CAMKK1: variants seen among roughly 807,000 people sequenced by gnomAD.
CAMKK1 encodes the protein calcium/calmodulin dependent protein kinase kinase 1, also known as calcium/calmodulin-dependent protein kinase kinase 1.
Under a neutral mutation model 63.5 loss-of-function variants are expected in CAMKK1, and 20 were observed. The observed-to-expected ratio is 0.32, with a 90% CI of 0.22 to 0.46. CAMKK1 has a LOEUF of 0.46. Ranked by LOEUF, CAMKK1 falls within the 20% of genes least tolerant of loss-of-function variation. CAMKK1 has a pLI of 1.00. For missense variants in CAMKK1, 588 were observed against 658.1 expected (o/e 0.89, Z 1.17); for synonymous variants, 253 against 269.0 (o/e 0.94, Z 0.58).
chr17:3,871,506 C>T (rs1401715347), intron 12 of CAMKK1, among the ~76,000 whole-genome samples: 3 of 150,640 alleles, frequency 2.0e-5, no homozygotes, highest in Admixed American at 6.6e-5. Flanking sequence ...AGGCACCCGC[C>T]ACCACGCCCG....
chr17:3,881,897 A>AG, intron 7 of CAMKK1: 2 of 547,164 alleles, frequency 3.7e-6, no homozygotes, highest in Non-Finnish European at 6.5e-6. Context: ...CCTTTTACAG[A>AG]GGGGGAAACT....
intron 9 of CAMKK1, among the ~76,000 whole-genome samples, chr17:3,877,403 G>A (rs185865872): frequency 6.6e-6 from 1 of 152,228 alleles, no homozygotes; most frequent in South Asian, 2.1e-4. Flanking sequence ...TGCTTTCTGG[G>A]CCCAGCACCA....
intron 14 of CAMKK1, among the ~76,000 whole-genome samples, chr17:3,867,599 G>C (rs2054582695): frequency 6.6e-6 from 1 of 152,160 alleles, no homozygotes; most frequent in Admixed American, 6.6e-5. Context: ...CTAAGATCAG[G>C]CAAGTGGTCA....
Position 3,887,835 on chromosome 17 carries a change from G to C in CAMKK1, c.-43-2105C>G, listed in dbSNP as rs542166968. ...AAGCTGGGAACACCCTCCAGGACCC[G>C]CCAGGCTCCTCCCAGCAGGTGGCCC... On this transcript the variant is annotated intron_variant, in intron 1 of 15. Coordinates refer to ENST00000348335, the MANE Select transcript of CAMKK1 (RefSeq NM_032294.3). The surrounding 1 kb of genome is among the most constrained non-coding windows in gnomAD (Gnocchi z 6.1). Among the ~76,000 whole-genome samples the C allele has an allele frequency of 6.6e-6, 1 of 152,118 alleles. No individual in the cohort carries two copies. The highest frequency in any genetic ancestry group is 2.4e-5 in the African/African-American group (1 of 41,414).
At chr17:3,871,345 TTG>T (rs1301616185) in intron 12 of CAMKK1, among the ~76,000 whole-genome samples, 106 of 46,008 alleles carry the variant, frequency 2.3e-3, no homozygotes, top group African/African-American at 0.012. Context: ...TTTTTTTTTT[TTG>T]TTTTTTTTTT....
intron 10 of CAMKK1, among the ~76,000 whole-genome samples, chr17:3,875,455 TA>T (rs1268950498): frequency 6.6e-6 from 1 of 151,802 alleles, no homozygotes; most frequent in African/African-American, 2.4e-5. Context: ...CTAATGTTTT[TA>T]TTTTTTTTTT....
intron 14 of CAMKK1, 78 bp from the exon 15 acceptor site, chr17:3,866,089 G>A: frequency 6.5e-7 from 1 of 1,546,102 alleles, no homozygotes; most frequent in Non-Finnish European, 8.8e-7. Context: ...TTCCCCGAGA[G>A]CAGCTGCCAA....
chr17:3,869,741 A>G, intron 13 of CAMKK1, 60 bp downstream of exon 13: 2 of 1,603,844 alleles, frequency 1.2e-6, no homozygotes, highest in Non-Finnish European at 1.7e-6. Flanking sequence ...CCCTCCAGAA[A>G]GGGAAAGTGA....
intron 15 of CAMKK1, chr17:3,865,483 G>A (rs1025134873): frequency 3.0e-6 from 3 of 1,014,456 alleles, no homozygotes; most frequent in Admixed American, 5.1e-5. Flanking sequence ...CTCCTCTACA[G>A]CCCGCCAGCC....
At position 3,887,504 on chromosome 17, in the gene CAMKK1, A is replaced by T. The variant is rs1041722603; in HGVS notation, c.-43-1774T>A. Among the ~76,000 whole-genome samples, 1 of 146,110 alleles carries T rather than the reference A, an allele frequency of 6.8e-6. No homozygotes were observed. The highest frequency in any genetic ancestry group is 6.7e-5 in the Admixed American group (1 of 14,876). ...GTGAAGGAGGTGAGGAGGCTGAGTG[A>T]GGCTAGAGTATCAGGGAGGCCTCCC... On this transcript the variant is annotated intron_variant, in intron 1 of 15. Coordinates refer to ENST00000348335, the MANE Select transcript of CAMKK1 (RefSeq NM_032294.3). This position sits in a 1 kb window ranked among gnomAD's most constrained non-coding sequence, Gnocchi z 6.1.
At chr17:3,863,562 G>T (rs888840834) in intron 15 of CAMKK1, among the ~76,000 whole-genome samples, 13 of 152,174 alleles carry the variant, frequency 8.5e-5, no homozygotes, top group Non-Finnish European at 1.9e-4. Context: ...TGATGATGAA[G>T]TAAAATCTTC....
rs764247725 is a variant in CAMKK1, at chr17:3,883,525, G to A, written c.463-45C>T. ...AATGTCACTACTGTGCAGCCACCAG[G>A]GGCTAGAACAGGCTGGTACATGTGG... is the stretch of plus-strand genomic sequence containing the variant. On this transcript the variant is annotated intron_variant, in intron 4 of 15. Transcript: ENST00000348335. This position sits in a 1 kb window ranked among gnomAD's most constrained non-coding sequence, Gnocchi z 4.7. The A allele has an allele frequency of 6.7e-7, 1 of 1,489,718 alleles. No individual in the cohort carries two copies. Among genetic ancestry groups the A allele is most frequent in the Non-Finnish European group, 9.4e-7 (1 of 1,066,938 alleles). 92.3% of individuals were successfully genotyped at this position (1,489,718 alleles called of 1,614,324 possible). A position where few individuals can be genotyped will look rare whatever the true frequency, so the allele number is the denominator to read the frequency against.
chr17:3,862,330 GC>G lies in CAMKK1; in HGVS notation c.1446-48del. 7.1e-7 allele frequency: 1 copy of G among 1,415,262 alleles called. No individual in the cohort carries two copies. The highest frequency in any genetic ancestry group is 1.4e-5 in the African/African-American group (1 of 70,492). The allele number at this position is 1,415,262 out of a possible 1,614,324, so 87.7% of individuals were successfully genotyped here. The stretch of plus-strand genomic sequence containing the variant: ...CAGAGGGACCTCAGGGTCAGAATAT[GC>G]ACTCAGGGAGACACTCTCCCTCACA... On this transcript the variant is annotated intron_variant, in intron 15 of 15. Transcript: ENST00000348335. The surrounding 1 kb of genome is among the most constrained non-coding windows in gnomAD (Gnocchi z 4.1).
rs548571109 is a variant in CAMKK1 at position 3,864,308 on chromosome 17, G to A, written c.1445+1600C>T. On this transcript the variant is annotated intron_variant, in intron 15 of 15. Transcript: ENST00000348335. ...GTCGCCCAGGCTGGAGTGCAGTGGC[G>A]TGACCTTGGCTCACTGCAAGCTCTG... 5.3e-5 allele frequency among the ~76,000 whole-genome samples: 8 copies of A among 151,724 alleles called. No individual in the cohort carries two copies. The South Asian group carries it at 1.5e-3, about 28-fold the overall frequency.
intron 10 of CAMKK1, 113 bp from the exon 11 acceptor site, chr17:3,873,575 C>T: frequency 1.0e-6 from 1 of 979,774 alleles, no homozygotes; most frequent in Non-Finnish European, 1.6e-6. Context: ...CTGTCATGCA[C>T]TCACTCGACA....
intron 14 of CAMKK1, among the ~76,000 whole-genome samples, chr17:3,866,414 G>A (rs916001648): frequency 2.0e-5 from 3 of 152,378 alleles, no homozygotes; most frequent in Middle Eastern, 3.4e-3. Flanking sequence ...ACTGCAGGGC[G>A]GCCCGGGAAG....
intron 9 of CAMKK1, 122 bp from the exon 10 acceptor site, chr17:3,876,544 T>C: frequency 2.5e-6 from 2 of 805,332 alleles, no homozygotes; most frequent in Admixed American, 2.2e-5. Context: ...CACTTTCGTC[T>C]GGTGACGACC....
At chr17:3,891,109 T>G (rs1482769118) in intron 1 of CAMKK1, among the ~76,000 whole-genome samples, 165 of 133,344 alleles carry the variant, frequency 1.2e-3, no homozygotes, top group African/African-American at 2.6e-3. Context: ...GGGGCAAGGT[T>G]GGGGGGGGGG....
intron 10 of CAMKK1, 133 bp from the exon 11 acceptor site, chr17:3,873,595 C>A: frequency 2.3e-6 from 2 of 858,472 alleles, no homozygotes; most frequent in Admixed American, 4.1e-5. Context: ...AAACACTCCG[C>A]GGTACTTGCC....
Sources: gnomAD v4.1 joint callset for allele counts (sites outside exome capture counted in the v4.1 genomes callset) on GRCh38, gnomAD v4.1.1 for gene constraint, Gnocchi (gnomAD v3.1) non-coding constraint, MANE v1.5 for transcripts, NCBI Gene and HGNC (gene_info 2026-07-23, HGNC 2026-07-21) for gene names.